The following PTPRN2 variants were observed in gnomAD, a reference collection of about 807,000 sequenced individuals.
PTPRN2 encodes receptor-type tyrosine-protein phosphatase N2.
In PTPRN2, 74 loss-of-function variants were observed where a neutral mutation model predicts 118.8. The observed-to-expected ratio is 0.62, with a 90% confidence interval of 0.52 to 0.76. The LOEUF is 0.76. PTPRN2 is among the 30% of genes least tolerant of loss of function. PTPRN2 has a pLI of 0.00. For missense variants in PTPRN2, 1,481 were observed against 1,394.4 expected (o/e 1.06, Z -0.99); for synonymous variants, 641 against 608.0 (o/e 1.05, Z -0.80).
At position 158,377,698 on chromosome 7, in the gene PTPRN2, C is replaced by T. The variant is rs28619163; in HGVS notation, c.164-60766G>A. 9.6e-3 allele frequency among the ~76,000 whole-genome samples: 1,460 copies of T among 152,304 alleles called. 15 individuals are homozygous for T. The highest frequency in any genetic ancestry group is 0.033 in the African/African-American group (1,386 of 41,552). On this transcript the variant is annotated intron_variant, in intron 2 of 22. Coordinates refer to ENST00000389418, the MANE Select transcript of PTPRN2 (RefSeq NM_002847.5). ...GCATCGGTGGTTTATCACAGCTTTA[C>T]GCACGACAGCTGAAAAGTGGAACAA...
Position 157,764,181 on chromosome 7 carries a change from A to G in PTPRN2, c.1789-81244T>C, listed in dbSNP as rs1802311909. 6.6e-6 allele frequency among the ~76,000 whole-genome samples: 1 copy of G among 152,174 alleles called. No individual in the cohort carries two copies. The highest frequency in any genetic ancestry group is 2.4e-5 in the African/African-American group (1 of 41,456). ...TGCAGTCGCTGTTAGTGGGTCCTCA[A>G]AAAACTAACCACAGAATCAGCCCAG... On this transcript the variant is annotated intron_variant, in intron 12 of 22. Transcript: ENST00000389418. This position sits in a 1 kb window ranked among gnomAD's most constrained non-coding sequence, Gnocchi z 4.5.
intron 3 of PTPRN2, among the ~76,000 whole-genome samples, chr7:158,309,105 A>G (rs1801506976): frequency 6.6e-6 from 1 of 152,244 alleles, no homozygotes; most frequent in Non-Finnish European, 1.5e-5. Context: ...ATAAAGAAAG[A>G]ATACTCTTCA....
intron 14 of PTPRN2, among the ~76,000 whole-genome samples, chr7:157,653,339 C>T (rs917649813): frequency 5.9e-5 from 9 of 152,118 alleles, no homozygotes; most frequent in African/African-American, 1.9e-4. Context: ...CTGAGGTGGC[C>T]GGTTGGGTGT....
intron 6 of PTPRN2, among the ~76,000 whole-genome samples, chr7:158,149,664 C>G (rs772154892): frequency 6.6e-6 from 1 of 151,992 alleles, no homozygotes; most frequent in Non-Finnish European, 1.5e-5. Flanking sequence ...ATGACCCAGG[C>G]GTGGTGGCGC....
intron 3 of PTPRN2, among the ~76,000 whole-genome samples, chr7:158,251,347 A>G (rs1264182690): frequency 6.6e-6 from 1 of 152,210 alleles, no homozygotes; most frequent in African/African-American, 2.4e-5. Flanking sequence ...ATACATGTGC[A>G]TGCGGTATGT....
chr7:158,263,108 ACACAC>A (rs1797629731), intron 3 of PTPRN2, among the ~76,000 whole-genome samples: 1 of 59,184 alleles, frequency 1.7e-5, no homozygotes, highest in East Asian at 4.3e-4. Context: ...CACTGCACAC[ACACAC>A]TGCACACACA....
At chr7:158,412,683 C>A (rs1814245083) in intron 2 of PTPRN2, among the ~76,000 whole-genome samples, 1 of 114,854 alleles carries the variant, frequency 8.7e-6, no homozygotes, top group Admixed American at 9.2e-5. Flanking sequence ...TCCTCAGCAC[C>A]AGGGCCCATC....
Position 157,831,140 on chromosome 7 carries a change from G to A in PTPRN2, c.1788+67533C>T, listed in dbSNP as rs1317841514. 1.3e-5 allele frequency among the ~76,000 whole-genome samples: 2 copies of A among 152,210 alleles called. No individual in the cohort carries two copies. The highest frequency in any genetic ancestry group is 1.3e-4 in the Admixed American group (2 of 15,280). ...TTGCAAAATAAAATTCTGGGATAAA[G>A]GGAGAAGCACAGGAAGAGGGACTCC... is the stretch of plus-strand genomic sequence containing the variant. On this transcript the variant is annotated intron_variant, in intron 12 of 22. Transcript: ENST00000389418. The surrounding 1 kb of genome is among the most constrained non-coding windows in gnomAD (Gnocchi z 4.8).
chr7:157,876,469 GA>G (rs1417068683), intron 12 of PTPRN2, among the ~76,000 whole-genome samples: 1 of 152,142 alleles, frequency 6.6e-6, no homozygotes, highest in Non-Finnish European at 1.5e-5. Context: ...CCTTTCCTTA[GA>G]AAAAAGTACT....
intron 9 of PTPRN2, among the ~76,000 whole-genome samples, chr7:158,117,974 T>C (rs1453607123): frequency 6.6e-6 from 1 of 152,144 alleles, no homozygotes; most frequent in Non-Finnish European, 1.5e-5. Context: ...CTCAAAGCCA[T>C]ATAAAAAATT....
rs552207623 is a variant in PTPRN2 at position 157,595,178 on chromosome 7, G to A, written c.2496+60C>T. 1.5e-5 allele frequency: 23 copies of A among 1,492,438 alleles called. No homozygotes were observed. The Admixed American group carries it at 2.3e-4, about 15-fold the overall frequency. 92.4% of individuals were successfully genotyped at this position (1,492,438 alleles called of 1,614,324 possible). A position where few individuals can be genotyped will look rare whatever the true frequency, so the allele number is the denominator to read the frequency against. On this transcript the variant is annotated intron_variant, in intron 17 of 22. Coordinates refer to ENST00000389418, the MANE Select transcript of PTPRN2 (RefSeq NM_002847.5). Reference sequence around the variant, plus strand: ...CCTAATCAGATTCAAGACATGATTCGTGACCCAGTTATTGAGATCTTCTTT... The same window carrying A: ...CCTAATCAGATTCAAGACATGATTCATGACCCAGTTATTGAGATCTTCTTT...
At chr7:157,718,251 C>T (rs1799030323) in intron 12 of PTPRN2, among the ~76,000 whole-genome samples, 1 of 152,234 alleles carries the variant, frequency 6.6e-6, no homozygotes, top group Non-Finnish European at 1.5e-5. Flanking sequence ...TCAGCTATTT[C>T]TGCAAATAAT....
chr7:158,291,939 C>A (rs1335803058), intron 3 of PTPRN2, among the ~76,000 whole-genome samples: 1 of 152,210 alleles, frequency 6.6e-6, no homozygotes, highest in Non-Finnish European at 1.5e-5. Context: ...TTGTAATTAT[C>A]TGCCCACATG....
chr7:158,551,233 GGAA>G (rs1259021447), intron 1 of PTPRN2, among the ~76,000 whole-genome samples: 2 of 152,252 alleles, frequency 1.3e-5, no homozygotes, highest in African/African-American at 4.8e-5. Flanking sequence ...TCCCATGGTG[GGAA>G]GGAGGAGGGC....
chr7:158,045,874 T>C (rs534193752), intron 11 of PTPRN2, among the ~76,000 whole-genome samples: 88 of 147,746 alleles, frequency 6.0e-4, no homozygotes, highest in Admixed American at 7.3e-4. Context: ...GATACTGCCT[T>C]GTTCTGTCCA....
chr7:158,083,968 C>T (rs1813048647), intron 10 of PTPRN2, among the ~76,000 whole-genome samples: 1 of 152,274 alleles, frequency 6.6e-6, no homozygotes, highest in African/African-American at 2.4e-5. Context: ...AGTCTCTATC[C>T]CGAGGCCCCA....
At chr7:158,018,875 C>A (rs1176510828) in intron 11 of PTPRN2, among the ~76,000 whole-genome samples, 1 of 143,078 alleles carries the variant, frequency 7.0e-6, no homozygotes, top group Non-Finnish European at 1.5e-5. Context: ...GCAGGAGAAT[C>A]ATTTGAACCC....
At chr7:158,439,217 C>T (rs916670400) in intron 2 of PTPRN2, among the ~76,000 whole-genome samples, 4 of 152,120 alleles carry the variant, frequency 2.6e-5, no homozygotes, top group East Asian at 1.9e-4. Flanking sequence ...ACTGTGCCCC[C>T]GACCACCTCG....
chr7:158,357,009 T>C (rs1808441318), intron 2 of PTPRN2, among the ~76,000 whole-genome samples: 1 of 152,170 alleles, frequency 6.6e-6, no homozygotes, highest in South Asian at 2.1e-4. Context: ...ACCAGGCCTC[T>C]CTGGACTGCA....
Sources: gnomAD v4.1 joint callset for allele counts (sites outside exome capture counted in the v4.1 genomes callset) on GRCh38, gnomAD v4.1.1 for gene constraint, Gnocchi (gnomAD v3.1) non-coding constraint, MANE v1.5 for transcripts, NCBI Gene and HGNC (gene_info 2026-07-23, HGNC 2026-07-21) for gene names.